RBFOX1: variants seen among roughly 807,000 people sequenced by gnomAD.
RBFOX1 encodes the protein RNA binding fox-1 homolog 1.
A neutral mutation model predicts 57.7 loss-of-function variants in RBFOX1; 8 were observed. That is an observed-to-expected ratio of 0.14 (90% CI 0.08 to 0.25). The LOEUF (loss-of-function observed/expected upper bound fraction) is 0.25, where lower values mean the gene tolerates loss of function less well. Among genes scored for constraint, RBFOX1 ranks in the 10% least tolerant of loss-of-function variants. RBFOX1 has a pLI of 1.00. For synonymous variants in RBFOX1, 326 were observed against 222.4 expected (o/e 1.47, Z -4.15); for missense variants, 611 against 548.5 (o/e 1.11, Z -1.14).
chr16:5,809,893 C>G (rs1404390194), intron 3 of RBFOX1, among the ~76,000 whole-genome samples: 1 of 152,056 alleles, frequency 6.6e-6, no homozygotes, highest in Non-Finnish European at 1.5e-5. Flanking sequence ...TTTTGCGGCA[C>G]TATCCACAAT....
At chr16:5,396,646 A>T (rs1169499510) in intron 1 of RBFOX1, among the ~76,000 whole-genome samples, 1 of 152,178 alleles carries the variant, frequency 6.6e-6, no homozygotes, top group Non-Finnish European at 1.5e-5. Context: ...TGTCTCGAAG[A>T]AAAAGAAAAA....
At chr16:6,062,231 C>T (rs1022075885) in intron 1 of RBFOX1, among the ~76,000 whole-genome samples, 1 of 152,142 alleles carries the variant, frequency 6.6e-6, no homozygotes, top group Non-Finnish European at 1.5e-5. Context: ...TTTATGGAGG[C>T]TTCATTAAAT....
chr16:7,302,454 G>A (rs1178545663), intron 4 of RBFOX1, among the ~76,000 whole-genome samples: 1 of 152,034 alleles, frequency 6.6e-6, no homozygotes, highest in Non-Finnish European at 1.5e-5. Flanking sequence ...TATTTGGGAT[G>A]TCCCTGGTGG....
Position 5,767,369 on chromosome 16 carries a change from A to G in RBFOX1, c.319-99934A>G, listed in dbSNP as rs74006270. Among the ~76,000 whole-genome samples, 707 of 152,320 alleles carry G rather than the reference A, an allele frequency of 4.6e-3. 6 individuals carry two copies. Among genetic ancestry groups the G allele is most frequent in the African/African-American group, 0.016 (650 of 41,566 alleles). ...GATGCTGCCCAGAGGACCTCCACAG[A>G]AATTCATTAACTGAGAGAAACCACG... is the stretch of plus-strand genomic sequence containing the variant. On this transcript the variant is annotated intron_variant, in intron 3 of 19. Coordinates refer to the RBFOX1 transcript ENST00000641259.
intron 4 of RBFOX1, among the ~76,000 whole-genome samples, chr16:7,201,712 C>G (rs987977964): frequency 1.3e-5 from 2 of 152,070 alleles, no homozygotes; most frequent in Non-Finnish European, 2.9e-5. Context: ...GTCCACCCAC[C>G]TCAGCCTCCC....
chr16:7,028,986 T>G (rs1190063274), intron 3 of RBFOX1, among the ~76,000 whole-genome samples: 17 of 144,370 alleles, frequency 1.2e-4, no homozygotes, highest in African/African-American at 4.4e-4. Flanking sequence ...AAGACCAATC[T>G]CCAGATGAAC....
At chr16:6,748,517 T>C (rs889042717) in intron 3 of RBFOX1, among the ~76,000 whole-genome samples, 1 of 152,006 alleles carries the variant, frequency 6.6e-6, no homozygotes, top group Admixed American at 6.6e-5. Flanking sequence ...AGATAAAAAA[T>C]TAGCTGGCCA....
At chr16:5,632,497 G>C (rs1006897282) in intron 3 of RBFOX1, 1 of 152,168 alleles carries the variant, frequency 6.6e-6, no homozygotes, top group Non-Finnish European at 1.5e-5. Context: ...TTTTGTTGTT[G>C]TTGTATTTTT....
chr16:7,252,744 G>A (rs1390781634), intron 4 of RBFOX1, among the ~76,000 whole-genome samples: 2 of 150,076 alleles, frequency 1.3e-5, no homozygotes, highest in African/African-American at 2.5e-5. Context: ...AGGTATTTAG[G>A]TTGGCTATTA....
intron 2 of RBFOX1, among the ~76,000 whole-genome samples, chr16:5,471,850 G>T (rs1278813888): frequency 6.6e-6 from 1 of 152,178 alleles, no homozygotes; most frequent in African/African-American, 2.4e-5. Context: ...AGACCAAGGA[G>T]AAGATTTATT....
chr16:6,670,781 A>G (rs767327118), intron 3 of RBFOX1, among the ~76,000 whole-genome samples: 1 of 152,054 alleles, frequency 6.6e-6, no homozygotes. Context: ...GTGGATCACA[A>G]GGTCAGGAGA....
chr16:7,096,211 G>A (rs142084323), intron 4 of RBFOX1, among the ~76,000 whole-genome samples: 2 of 152,092 alleles, frequency 1.3e-5, no homozygotes, highest in African/African-American at 4.8e-5. Context: ...AAAAGTAGTC[G>A]ATAAAAGTGT....
chr16:6,962,435 C>T (rs531451891), intron 3 of RBFOX1, among the ~76,000 whole-genome samples: 41 of 152,262 alleles, frequency 2.7e-4, no homozygotes, highest in African/African-American at 9.9e-4. Context: ...GCAACTTTTT[C>T]TGTTACATAT....
At chr16:5,532,342 A>G (rs2044515549) in intron 2 of RBFOX1, among the ~76,000 whole-genome samples, 1 of 152,220 alleles carries the variant, frequency 6.6e-6, no homozygotes, top group Non-Finnish European at 1.5e-5. Flanking sequence ...GTTCTAGATA[A>G]TAAGCTCCTT....
chr16:6,984,961 A>C (rs1415441592), intron 3 of RBFOX1, among the ~76,000 whole-genome samples: 1 of 152,108 alleles, frequency 6.6e-6, no homozygotes, highest in Non-Finnish European at 1.5e-5. Context: ...TTACAAATCT[A>C]CTGTAAGGAA....
intron 3 of RBFOX1, among the ~76,000 whole-genome samples, chr16:5,649,840 G>C (rs1437977485): frequency 1.3e-5 from 2 of 152,166 alleles, no homozygotes; most frequent in Non-Finnish European, 2.9e-5. Context: ...TTTCAGGCTG[G>C]TGGATTGCCC....
At chr16:5,418,453 G>T (rs114742893) in intron 1 of RBFOX1, among the ~76,000 whole-genome samples, 6 of 152,216 alleles carry the variant, frequency 3.9e-5, no homozygotes, top group African/African-American at 1.4e-4. Flanking sequence ...ACTGAATTAC[G>T]CCAGGAAAGA....
chr16:7,082,613 T>C (rs944819595), intron 4 of RBFOX1, among the ~76,000 whole-genome samples: 4 of 152,098 alleles, frequency 2.6e-5, no homozygotes, highest in African/African-American at 9.7e-5. Context: ...CTGATTCAGT[T>C]GAGTTTATCA....
chr16:7,550,213 C>T (rs2085907670), intron 5 of RBFOX1, among the ~76,000 whole-genome samples: 1 of 151,940 alleles, frequency 6.6e-6, no homozygotes, highest in South Asian at 2.1e-4. Context: ...TGCCACTATG[C>T]CCAGCCTACC....
Sources: gnomAD v4.1 joint callset for allele counts (sites outside exome capture counted in the v4.1 genomes callset) on GRCh38, gnomAD v4.1.1 for gene constraint, MANE v1.5 for transcripts, NCBI Gene and HGNC (gene_info 2026-07-23, HGNC 2026-07-21) for gene names.